The following USH2A variants were observed in gnomAD, a reference collection of about 807,000 sequenced individuals.
The protein encoded by USH2A is Usher syndrome 2A (autosomal recessive, mild).
USH2A carries 443 observed loss-of-function variants against 538.9 expected under a neutral mutation model. The ratio of observed to expected loss-of-function variants is 0.82; its 90% CI spans 0.76 to 0.89. The LOEUF (loss-of-function observed/expected upper bound fraction) is 0.89. Ranked by LOEUF, USH2A falls within the 40% of genes least tolerant of loss-of-function variation. USH2A has a pLI of 0.00. For missense variants in USH2A, 6,633 were observed against 6,324.8 expected, an observed-to-expected ratio of 1.05 and a Z score of -1.65; for synonymous variants, 2,413 against 2,273.5, an observed-to-expected ratio of 1.06 and a Z score of -1.75.
intron 61 of USH2A, among the ~76,000 whole-genome samples, chr1:215,705,856 A>G (rs1465411141): frequency 6.6e-6 from 1 of 152,218 alleles, no homozygotes. Context: ...GTGCACACAT[A>G]ACTCTTCTGA....
rs112994667 is a variant in USH2A, at chr1:215,640,439, G to T, written c.14968+119C>A. 27 of 1,303,580 alleles carry T rather than the reference G, an allele frequency of 2.1e-5. 2 individuals carry two copies. The highest frequency in any genetic ancestry group is 2.6e-4 in the Middle Eastern group (1 of 3,798). 80.8% of individuals were successfully genotyped at this position (1,303,580 alleles called of 1,614,324 possible). A position where few individuals can be genotyped will look rare whatever the true frequency, so the allele number is the denominator to read the frequency against. On this transcript the variant is annotated intron_variant, in intron 68 of 71. Coordinates refer to ENST00000307340, the MANE Select transcript of USH2A (RefSeq NM_206933.4). ...GCAGTAACTTTTTCACAAGAAGGGG[G>T]CACTTAAACCAAGACATTTTAATGG...
chr1:216,336,296 C>T (rs1207290407), intron 4 of USH2A, among the ~76,000 whole-genome samples: 1 of 151,254 alleles, frequency 6.6e-6, no homozygotes, highest in Non-Finnish European at 1.5e-5. Flanking sequence ...CAACAGCTAA[C>T]ATCATATTTA....
intron 30 of USH2A, among the ~76,000 whole-genome samples, chr1:216,061,013 C>T (rs1048236215): frequency 6.6e-6 from 1 of 152,158 alleles, no homozygotes; most frequent in African/African-American, 2.4e-5. Context: ...GGGTTTTCTA[C>T]CCTGAGGCTC....
At chr1:216,285,640 A>G (rs2102601179) in intron 11 of USH2A, among the ~76,000 whole-genome samples, 1 of 152,308 alleles carries the variant, frequency 6.6e-6, no homozygotes, top group African/African-American at 2.4e-5. Context: ...TAGATCCACC[A>G]ACACCTTGCA....
rs911366126 is a variant in USH2A, at chr1:216,352,431, A to G, written c.784+12522T>C. On this transcript the variant is annotated intron_variant, in intron 4 of 71. Coordinates refer to ENST00000307340, the MANE Select transcript of USH2A (RefSeq NM_206933.4). ...AAAAGATAAAGACTTGAAATTAACT[A>G]TTAGATTTATAATGTGAAGGTGAGT... Among the ~76,000 whole-genome samples, 15 of 152,306 alleles carry G rather than the reference A, an allele frequency of 9.8e-5. No individual in the cohort carries two copies. The East Asian group carries it at 2.7e-3, about 27-fold the overall frequency.
chr1:216,081,103 A>G (rs1457805433), intron 26 of USH2A, among the ~76,000 whole-genome samples: 2 of 152,166 alleles, frequency 1.3e-5, no homozygotes, highest in Non-Finnish European at 2.9e-5. Context: ...TTAGCAATCT[A>G]GCTACTAGAA....
intron 59 of USH2A, 111 bp from the exon 60 acceptor site, chr1:215,741,648 G>T: frequency 8.5e-7 from 1 of 1,174,044 alleles, no homozygotes; most frequent in Non-Finnish European, 1.2e-6. Flanking sequence ...CTGTCCTTTT[G>T]CATATATACT....
intron 27 of USH2A, among the ~76,000 whole-genome samples, chr1:216,077,106 T>G (rs1558245850): frequency 4.6e-5 from 7 of 152,148 alleles, no homozygotes; most frequent in Admixed American, 3.9e-4. Context: ...AATGAGGATA[T>G]AAATAATAAT....
rs576800089 is a variant in USH2A, at chr1:215,998,827, C to T, written c.6657+60G>A. 4.7e-5 allele frequency: 73 copies of T among 1,561,544 alleles called. No individual in the cohort carries two copies. In the African/African-American group the frequency reaches 5.5e-4, roughly 12 times the overall value. ...TGAGAGAGAAAGAAAAGATGGACCA[C>T]GGGAAGGGGAGAAGAAGTGGAAGGA... is the stretch of plus-strand genomic sequence containing the variant. On this transcript the variant is annotated intron_variant, in intron 34 of 71. Transcript: ENST00000307340.
intron 67 of USH2A, among the ~76,000 whole-genome samples, chr1:215,642,907 T>G (rs1656733905): frequency 6.6e-6 from 1 of 152,190 alleles, no homozygotes; most frequent in African/African-American, 2.4e-5. Context: ...CAGAGGGAAC[T>G]AAATGTGTTG....
rs9970049 is a variant in USH2A at position 216,035,403 on chromosome 1, G to T, written c.6325+11028C>A. Among the ~76,000 whole-genome samples, 455 of 152,162 alleles carry T rather than the reference G, an allele frequency of 3.0e-3. 2 individuals carry two copies. The highest frequency in any genetic ancestry group is 0.011 in the African/African-American group (445 of 41,514). ...ATACAATCAAGAAATGCCAAATATCGCCAGCAAACAACCAAAACAAGGAGA... is the reference window on the plus strand; with the variant it reads ...ATACAATCAAGAAATGCCAAATATCTCCAGCAAACAACCAAAACAAGGAGA... On this transcript the variant is annotated intron_variant, in intron 32 of 71. Coordinates refer to ENST00000307340, the MANE Select transcript of USH2A (RefSeq NM_206933.4).
At chr1:216,148,808 T>C (rs548024131) in intron 21 of USH2A, among the ~76,000 whole-genome samples, 50 of 151,138 alleles carry the variant, frequency 3.3e-4, no homozygotes, top group African/African-American at 1.1e-3. Context: ...ACATGCCTTC[T>C]TTACTATTCC....
chr1:215,934,857 T>C (rs1666454881), intron 37 of USH2A, 62 bp from the exon 38 acceptor site: 3 of 1,469,094 alleles, frequency 2.0e-6, no homozygotes, highest in South Asian at 1.2e-5. Flanking sequence ...CTGCTATTAT[T>C]TGAGTATTTT....
intron 21 of USH2A, among the ~76,000 whole-genome samples, chr1:216,102,152 T>C (rs554901774): frequency 2.0e-5 from 3 of 151,532 alleles, no homozygotes; most frequent in Non-Finnish European, 4.4e-5. Flanking sequence ...ATATTTGCAA[T>C]ACATATATCT....
chr1:215,680,152 A>C lies in USH2A; in HGVS notation c.12291T>G (p.Ile4097Met). The C allele has an allele frequency of 6.2e-7, 1 of 1,613,816 alleles. No homozygotes were observed. Among genetic ancestry groups the C allele is most frequent in the Non-Finnish European group, 8.5e-7 (1 of 1,179,710 alleles). ...TCTTATGCAGGGTAGACATTACCTT[A>C]ATCACACCATTGGTTCTCATAGGTT... ...WSEPMRTNGV[I>M]KTYNIFSDGF... Residue 4097 changes from isoleucine (I) to methionine (M), a missense_variant, in exon 62 of 72, where the codon ATT (isoleucine) becomes ATG (methionine). Ile to Met is a conservative substitution (Grantham distance 10). Coordinates refer to ENST00000307340, the MANE Select transcript of USH2A (RefSeq NM_206933.4).
intron 3 of USH2A, among the ~76,000 whole-genome samples, chr1:216,404,813 G>A (rs971834631): frequency 3.3e-5 from 5 of 151,692 alleles, no homozygotes; most frequent in South Asian, 2.1e-4. Context: ...TAGTAGAGAC[G>A]AGGTTTCACC....
At chr1:216,015,630 A>G (rs1020845950) in intron 32 of USH2A, among the ~76,000 whole-genome samples, 3 of 152,206 alleles carry the variant, frequency 2.0e-5, no homozygotes, top group Non-Finnish European at 4.4e-5. Context: ...TTACAGTCCC[A>G]CCAACAGTGT....
rs746265652 is a variant in USH2A, at chr1:216,175,285, T to C, written c.4594A>G (p.Ser1532Gly). The change falls in exon 21 of 72, where the codon AGC becomes GGC. Residue 1532 changes from serine (S) to glycine (G), a missense_variant. Coordinates refer to ENST00000307340, the MANE Select transcript of USH2A (RefSeq NM_206933.4). ...TCTGTATTGACTGGGTGAGTGGAGC[T>C]GGGAAATTTACAATACCCATTTCCT... is the stretch of plus-strand genomic sequence containing the variant. ...FIGNGYCKFP[S>G]STHPVNTDFT... 1.5e-5 allele frequency: 25 copies of C among 1,613,730 alleles called. No individual in the cohort carries two copies. In the South Asian group the frequency reaches 2.7e-4, roughly 18 times the overall value.
chr1:216,297,570 A>T (rs1332451424), intron 9 of USH2A, among the ~76,000 whole-genome samples: 1 of 152,134 alleles, frequency 6.6e-6, no homozygotes, highest in Non-Finnish European at 1.5e-5. Context: ...AGAGAGGGGT[A>T]AAAATCCAAC....
Sources: allele counts gnomAD v4.1 joint callset (sites outside exome capture counted in the v4.1 genomes callset), GRCh38; gene constraint gnomAD v4.1.1; transcripts MANE v1.5; gene names NCBI Gene and HGNC (gene_info 2026-07-23, HGNC 2026-07-21).